Variants in NETO2 observed in about 807,000 individuals in gnomAD.
The protein encoded by NETO2 is neuropilin and tolloid like 2.
NETO2 carries 28 observed loss-of-function variants against 62.5 expected under a neutral mutation model. The observed-to-expected ratio is 0.45, with a 90% CI of 0.33 to 0.61. The LOEUF (loss-of-function observed/expected upper bound fraction) is 0.61, where lower values mean the gene tolerates loss of function less well. Ranked by LOEUF, NETO2 falls within the 20% of genes least tolerant of loss-of-function variation. The probability of loss-of-function intolerance (pLI) is 0.02; values close to 1 mark genes in which losing one functional copy is unlikely to be tolerated. For missense variants in NETO2, 548 were observed against 643.2 expected, an observed-to-expected ratio of 0.85 and a Z score of 1.60; for synonymous variants, 214 against 219.1, an observed-to-expected ratio of 0.98 and a Z score of 0.21.
chr16:47,127,493 C>T (rs758459498), intron 4 of NETO2, among the ~76,000 whole-genome samples: 5 of 152,154 alleles, frequency 3.3e-5, no homozygotes, highest in African/African-American at 7.2e-5. Flanking sequence ...ACAAAAGATG[C>T]CATTAGGTTA....
rs1963056026 is a variant in NETO2, at chr16:47,081,284, T to C, written c.*1937A>G. The C allele has an allele frequency of 6.6e-6, 1 of 152,176 alleles. No individual in the cohort carries two copies. Among genetic ancestry groups the C allele is most frequent in the South Asian group, 2.1e-4 (1 of 4,836 alleles). The allele number at this position is 152,176 out of a possible 1,614,324, so 9.4% of individuals were successfully genotyped here. On this transcript the variant is annotated 3_prime_UTR_variant, in exon 9 of 9. Coordinates refer to ENST00000562435, the MANE Select transcript of NETO2 (RefSeq NM_018092.5). The stretch of plus-strand genomic sequence containing the variant: ...TTTATTATGCTGTTCAAATGTTAGC[T>C]GGTGTAAGTTACCTACTAAAATGCT...
Position 47,083,504 on chromosome 16 carries a change from G to A in NETO2, c.1295C>T (p.Ser432Phe). The A allele has an allele frequency of 6.2e-7, 1 of 1,614,222 alleles. No individual in the cohort carries two copies. Among genetic ancestry groups the A allele is most frequent in the Non-Finnish European group, 8.5e-7 (1 of 1,180,044 alleles). The part of the protein sequence containing the change: ...YQKMRRSSTA[S>F]RCIHDHHCGS... ...ACAGTGGTGGTCGTGGATGCAGCGG[G>A]AGGCGGTGGAGGAGCGCCGCATCTT... Residue 432 changes from serine (S) to phenylalanine (F), a missense_variant, in exon 9 of 9, where the codon TCC becomes TTC. Ser to Phe is a radical substitution (Grantham distance 155). Coordinates refer to ENST00000562435, the MANE Select transcript of NETO2 (RefSeq NM_018092.5).
At position 47,109,556 on chromosome 16, in the gene NETO2, T is replaced by C; in HGVS notation, c.810A>G (p.Gly270=). The change falls in exon 7 of 9, where the codon GGA becomes GGG. Residue 270 remains glycine, a synonymous_variant. Coordinates refer to ENST00000562435, the MANE Select transcript of NETO2 (RefSeq NM_018092.5). The part of the protein sequence containing the change: ...ANDVMLKTGI[G]VIRMWADEGS... ...CTTCATCTGCCCACATTCGAATCAC[T>C]CCAATTCCTGTTTTAAGCATTACAT... 6.2e-7 allele frequency: 1 copy of C among 1,614,074 alleles called. No homozygotes were observed. The highest frequency in any genetic ancestry group is 1.1e-5 in the South Asian group (1 of 91,080).
intron 1 of NETO2, among the ~76,000 whole-genome samples, chr16:47,135,025 G>A (rs889147410): frequency 3.9e-5 from 6 of 152,118 alleles, no homozygotes; most frequent in Admixed American, 2.6e-4. Context: ...TAAAAACGAC[G>A]TATAAAGAAT....
chr16:47,136,416 T>A (rs572987558), intron 1 of NETO2, among the ~76,000 whole-genome samples: 1 of 152,318 alleles, frequency 6.6e-6, no homozygotes, highest in East Asian at 1.9e-4. Flanking sequence ...AATTTTTATT[T>A]ATTGACTGAT....
intron 7 of NETO2, among the ~76,000 whole-genome samples, chr16:47,097,116 T>TACCTGCAG (rs1371656019): frequency 6.6e-6 from 1 of 152,186 alleles, no homozygotes; most frequent in African/African-American, 2.4e-5. Flanking sequence ...GACACCGAGC[T>TACCTGCAG]ACCTGCAGAA....
Position 47,086,317 on chromosome 16 carries a change from G to C in NETO2, c.906C>G (p.Phe302Leu), listed in dbSNP as rs749086082. The change falls in exon 8 of 9, where the codon TTC (phenylalanine) becomes TTG (leucine). Residue 302 changes from phenylalanine to leucine, a missense_variant. Coordinates refer to ENST00000562435, the MANE Select transcript of NETO2 (RefSeq NM_018092.5). ...TGATGCACATGTTGCTATGGCAAAA[G>C]AAAGTGCTGCTTGTGCAGGGAGCTG... Reference protein sequence around the residue: ...FVEPPCTSSTFFCHSNMCINN... With the variant: ...FVEPPCTSSTLFCHSNMCINN... The C allele has an allele frequency of 6.2e-7, 1 of 1,613,846 alleles. No homozygotes were observed.
Position 47,129,319 on chromosome 16 carries a change from C to T in NETO2, c.137G>A (p.Gly46Asp), listed in dbSNP as rs749167255. ...GIKHIPATQCGIWVRTSNGGH... is the reference protein window; with the variant it reads ...GIKHIPATQCDIWVRTSNGGH... ...TCCATTGCTGGTTCGAACCCAAATGCCACACTGGGTTGCAGGAATATGCTT... is the reference window on the plus strand; with the variant it reads ...TCCATTGCTGGTTCGAACCCAAATGTCACACTGGGTTGCAGGAATATGCTT... Residue 46 changes from glycine (G) to aspartate (D), a missense_variant, in exon 3 of 9, where the codon GGC becomes GAC. Coordinates refer to ENST00000562435, the MANE Select transcript of NETO2 (RefSeq NM_018092.5). 1.2e-6 allele frequency: 2 copies of T among 1,613,950 alleles called. No individual in the cohort carries two copies. Among genetic ancestry groups the T allele is most frequent in the South Asian group, 2.2e-5 (2 of 91,070 alleles).
intron 6 of NETO2, among the ~76,000 whole-genome samples, chr16:47,119,610 TTC>T (rs977828864): frequency 1.1e-4 from 17 of 152,102 alleles, no homozygotes; most frequent in Non-Finnish European, 2.1e-4. Flanking sequence ...GGATTTGTTT[TTC>T]TTTTAACTTC....
At chr16:47,115,338 G>A (rs183910108) in intron 6 of NETO2, among the ~76,000 whole-genome samples, 16 of 132,488 alleles carry the variant, frequency 1.2e-4, no homozygotes, top group Non-Finnish European at 2.7e-4. Flanking sequence ...TGACATTTTA[G>A]CACTACTGGG....
intron 6 of NETO2, among the ~76,000 whole-genome samples, chr16:47,120,072 A>C (rs1388330799): frequency 6.6e-6 from 1 of 152,254 alleles, no homozygotes; most frequent in Non-Finnish European, 1.5e-5. Flanking sequence ...AAGTAAAAAA[A>C]AATTACCAAC....
intron 8 of NETO2, among the ~76,000 whole-genome samples, chr16:47,085,173 G>A (rs898735735): frequency 1.3e-5 from 2 of 152,140 alleles, no homozygotes; most frequent in African/African-American, 4.8e-5. Context: ...CATAGGAAAT[G>A]TTACGAAATA....
chr16:47,088,775 A>G (rs1252031007), intron 7 of NETO2, among the ~76,000 whole-genome samples: 1 of 152,142 alleles, frequency 6.6e-6, no homozygotes, highest in Non-Finnish European at 1.5e-5. Context: ...ACATTCTCCA[A>G]TTGCAGTACA....
At chr16:47,109,080 T>C (rs1483731669) in intron 7 of NETO2, among the ~76,000 whole-genome samples, 5 of 152,196 alleles carry the variant, frequency 3.3e-5, no homozygotes, top group African/African-American at 1.2e-4. Flanking sequence ...CCAATTGATA[T>C]GTTAACATGG....
intron 6 of NETO2, among the ~76,000 whole-genome samples, chr16:47,112,370 C>CT (rs1567389846): frequency 6.6e-6 from 1 of 152,034 alleles, no homozygotes. Context: ...TGTTTGTTTT[C>CT]TTTTTTTAGA....
At chr16:47,117,365 A>G (rs944622414) in intron 6 of NETO2, among the ~76,000 whole-genome samples, 8 of 152,080 alleles carry the variant, frequency 5.3e-5, no homozygotes, top group African/African-American at 1.9e-4. Flanking sequence ...TGTTTATCCT[A>G]TTTGGTGTTC....
At chr16:47,134,900 T>C (rs1216157585) in intron 1 of NETO2, among the ~76,000 whole-genome samples, 1 of 152,208 alleles carries the variant, frequency 6.6e-6, no homozygotes, top group Non-Finnish European at 1.5e-5. Flanking sequence ...CAAGGCCAAA[T>C]AGCCTATTAT....
In NETO2 at chr16:47,085,319, C is replaced by T. The variant is rs914630585; in HGVS notation, c.997+907G>A. The stretch of plus-strand genomic sequence containing the variant: ...TTGACAATTAAATAAGGTATGTTTA[C>T]AATACAAATGACAAACTTCAACAAC... On this transcript the variant is annotated intron_variant, in intron 8 of 8. Coordinates refer to ENST00000562435, the MANE Select transcript of NETO2 (RefSeq NM_018092.5). Among the ~76,000 whole-genome samples, 8 of 151,780 alleles carry T rather than the reference C, an allele frequency of 5.3e-5. No individual in the cohort carries two copies. In the East Asian group the frequency reaches 1.5e-3, roughly 29 times the overall value.
rs1963747054 is a variant in NETO2, at chr16:47,109,585, T to C, written c.781A>G (p.Asn261Asp). 1 of 1,614,032 alleles carries C rather than the reference T, an allele frequency of 6.2e-7. No individual in the cohort carries two copies. Among genetic ancestry groups the C allele is most frequent in the Non-Finnish European group, 8.5e-7 (1 of 1,180,022 alleles). The change falls in exon 7 of 9, where the codon AAT becomes GAT. Residue 261 changes from asparagine (N) to aspartate (D), a missense_variant. Asn to Asp is a conservative substitution (Grantham distance 23, BLOSUM62 1). Coordinates refer to ENST00000562435, the MANE Select transcript of NETO2 (RefSeq NM_018092.5). ...ATTCCTGTTTTAAGCATTACATCATTGGCCACAGTGCTGCAAAACTTGGCC... is the reference window on the plus strand; with the variant it reads ...ATTCCTGTTTTAAGCATTACATCATCGGCCACAGTGCTGCAAAACTTGGCC... ...LKAKFCSTVA[N>D]DVMLKTGIGV...
Sources: gnomAD v4.1 joint callset for allele counts (sites outside exome capture counted in the v4.1 genomes callset) on GRCh38, gnomAD v4.1.1 for gene constraint, MANE v1.5 for transcripts, NCBI Gene and HGNC (gene_info 2026-07-23, HGNC 2026-07-21) for gene names.